The following LSAMP variants were observed in gnomAD, a reference collection of about 807,000 sequenced individuals.
LSAMP encodes limbic system associated membrane protein.
LSAMP carries 7 observed loss-of-function variants against 38.6 expected under a neutral mutation model. The ratio of observed to expected loss-of-function variants is 0.18; its 90% CI spans 0.10 to 0.34. LSAMP has a LOEUF of 0.34. Ranked by LOEUF, LSAMP falls within the 10% of genes least tolerant of loss-of-function variation. LSAMP has a pLI of 1.00. For missense variants in LSAMP, 313 were observed against 420.0 expected (o/e 0.75, Z 2.23); for synonymous variants, 154 against 166.8 (o/e 0.92, Z 0.59).
At chr3:115,898,576 T>C (rs1324979706) in intron 3 of LSAMP, among the ~76,000 whole-genome samples, 6 of 147,726 alleles carry the variant, frequency 4.1e-5, no homozygotes, top group African/African-American at 1.5e-4. Flanking sequence ...CAATATATGA[T>C]TGCCTCATTT....
At chr3:116,074,415 C>T (rs1707683302) in intron 2 of LSAMP, among the ~76,000 whole-genome samples, 2 of 152,164 alleles carry the variant, frequency 1.3e-5, no homozygotes, top group Non-Finnish European at 2.9e-5. Flanking sequence ...ATTTATGACA[C>T]TTTCCATAAT....
intron 1 of LSAMP, among the ~76,000 whole-genome samples, chr3:116,188,240 G>A (rs1710670525): frequency 6.6e-6 from 1 of 152,094 alleles, no homozygotes. Flanking sequence ...AAAAGCAGAT[G>A]TACAAAAGCC....
At chr3:116,191,306 G>T (rs531058296) in intron 1 of LSAMP, among the ~76,000 whole-genome samples, 2 of 152,248 alleles carry the variant, frequency 1.3e-5, no homozygotes, top group South Asian at 4.1e-4. Flanking sequence ...TGGGGTGAGG[G>T]TCAGGAATCT....
intron 1 of LSAMP, among the ~76,000 whole-genome samples, chr3:116,437,627 G>A (rs1397232435): frequency 1.3e-5 from 2 of 151,438 alleles, no homozygotes; most frequent in Non-Finnish European, 2.9e-5. Flanking sequence ...AGGGAGGAGA[G>A]AAGGCAAGAG....
intron 3 of LSAMP, among the ~76,000 whole-genome samples, chr3:115,962,795 T>C (rs1292047277): frequency 6.6e-6 from 1 of 152,196 alleles, no homozygotes; most frequent in Non-Finnish European, 1.5e-5. Flanking sequence ...CCCAGCCCTT[T>C]GGATTTCAGC....
chr3:115,923,432 T>G (rs181248075), intron 3 of LSAMP, among the ~76,000 whole-genome samples: 16 of 152,336 alleles, frequency 1.1e-4, no homozygotes, highest in Non-Finnish European at 2.2e-4. Flanking sequence ...ACTTCTTAAC[T>G]GGATTCTGGA....
intron 3 of LSAMP, among the ~76,000 whole-genome samples, chr3:115,981,099 C>T (rs1218452923): frequency 6.6e-6 from 1 of 152,092 alleles, no homozygotes; most frequent in African/African-American, 2.4e-5. Flanking sequence ...ACATGGCATT[C>T]ATGGTGTGAA....
chr3:115,898,542 T>C (rs1245276055), intron 3 of LSAMP, among the ~76,000 whole-genome samples: 1 of 151,556 alleles, frequency 6.6e-6, no homozygotes, highest in African/African-American at 2.4e-5. Context: ...CCTATTGAGG[T>C]TGCATCTCAG....
intron 3 of LSAMP, among the ~76,000 whole-genome samples, chr3:115,973,054 TG>T (rs1275174714): frequency 2.0e-5 from 3 of 152,106 alleles, no homozygotes; most frequent in African/African-American, 7.2e-5. Context: ...AATGCGGTAT[TG>T]GATCTTTGAA....
At chr3:116,229,136 G>T (rs1475246000) in intron 1 of LSAMP, among the ~76,000 whole-genome samples, 1 of 152,068 alleles carries the variant, frequency 6.6e-6, no homozygotes, top group Non-Finnish European at 1.5e-5. Context: ...AACTTATCTT[G>T]AAAGTGTTTC....
chr3:116,396,384 C>A (rs891837168), intron 1 of LSAMP, among the ~76,000 whole-genome samples: 10 of 152,166 alleles, frequency 6.6e-5, no homozygotes, highest in African/African-American at 2.4e-4. Flanking sequence ...TACTAAAATT[C>A]AGCACCTGCT....
chr3:115,876,205 G>A (rs1936174699), intron 3 of LSAMP, among the ~76,000 whole-genome samples: 1 of 146,306 alleles, frequency 6.8e-6, no homozygotes, highest in African/African-American at 2.5e-5. Flanking sequence ...AACTTACTCA[G>A]TAATGCCTGC....
In LSAMP at chr3:116,006,474, A is replaced by AT. The variant is rs1310765303; in HGVS notation, c.514+13040dup. Reference sequence around the variant, plus strand: ...AGCTGATGGATACAACGTAGTAACTATTTTTTAAAATAAATGGGATTATTT... The same window carrying AT: ...AGCTGATGGATACAACGTAGTAACTATTTTTTTAAAATAAATGGGATTATTT... On this transcript the variant is annotated intron_variant, in intron 3 of 6. Coordinates refer to ENST00000490035, the MANE Select transcript of LSAMP (RefSeq NM_002338.5). Among the ~76,000 whole-genome samples the AT allele has an allele frequency of 2.0e-5, 3 of 152,182 alleles. No homozygotes were observed. The East Asian group carries it at 5.8e-4, about 29-fold the overall frequency.
At chr3:116,367,101 G>A (rs867582552) in intron 1 of LSAMP, among the ~76,000 whole-genome samples, 4 of 152,070 alleles carry the variant, frequency 2.6e-5, no homozygotes, top group Non-Finnish European at 5.9e-5. Flanking sequence ...CATAACGATC[G>A]ATCAGATTAA....
At chr3:116,148,334 C>T (rs937797695) in intron 1 of LSAMP, among the ~76,000 whole-genome samples, 1 of 151,916 alleles carries the variant, frequency 6.6e-6, no homozygotes, top group Non-Finnish European at 1.5e-5. Flanking sequence ...TAATGTCACA[C>T]AGGTGACTCC....
intron 3 of LSAMP, among the ~76,000 whole-genome samples, chr3:115,971,424 A>G (rs1431347725): frequency 6.6e-6 from 1 of 152,184 alleles, no homozygotes. Context: ...CACAAGGAAA[A>G]TACTTTTTCT....
chr3:115,824,517 A>G lies in LSAMP; in HGVS notation c.920-14103T>C, dbSNP rs1056970962. Among the ~76,000 whole-genome samples, 7 of 152,124 alleles carry G rather than the reference A, an allele frequency of 4.6e-5. No individual in the cohort carries two copies. The East Asian group carries it at 5.8e-4, about 13-fold the overall frequency. On this transcript the variant is annotated intron_variant, in intron 6 of 6. Coordinates refer to ENST00000490035, the MANE Select transcript of LSAMP (RefSeq NM_002338.5). Reference sequence around the variant, plus strand: ...GGAGTTTGAGACCAGCCTGGCCAACATGGTGAAACCCCATCTCTACTAAAG... The same window carrying G: ...GGAGTTTGAGACCAGCCTGGCCAACGTGGTGAAACCCCATCTCTACTAAAG...
intron 1 of LSAMP, among the ~76,000 whole-genome samples, chr3:116,287,841 C>G (rs557206661): frequency 1.3e-5 from 2 of 152,140 alleles, no homozygotes; most frequent in South Asian, 4.1e-4. Flanking sequence ...GTTAGTTTGC[C>G]CTCAACAAGA....
At chr3:116,427,992 T>A (rs1455536537) in intron 1 of LSAMP, among the ~76,000 whole-genome samples, 2 of 152,246 alleles carry the variant, frequency 1.3e-5, no homozygotes, top group Admixed American at 6.5e-5. Context: ...ATGAAATTAA[T>A]CTTACTTTGA....
Sources: gnomAD v4.1 joint callset for allele counts (sites outside exome capture counted in the v4.1 genomes callset) on GRCh38, gnomAD v4.1.1 for gene constraint, MANE v1.5 for transcripts, NCBI Gene and HGNC (gene_info 2026-07-23, HGNC 2026-07-21) for gene names.